PRMT3: variants seen among roughly 807,000 people sequenced by gnomAD.
PRMT3 encodes the protein protein arginine methyltransferase 3.
A neutral mutation model predicts 71.9 loss-of-function variants in PRMT3; 62 were observed. That is an observed-to-expected ratio of 0.86 (90% CI 0.70 to 1.07). PRMT3 has a LOEUF of 1.07. PRMT3 is among the 50% of genes least tolerant of loss of function. PRMT3 has a pLI of 0.00. For missense variants in PRMT3, 663 were observed against 643.0 expected (o/e 1.03, Z -0.34); for synonymous variants, 213 against 220.4 (o/e 0.97, Z 0.30).
At position 20,397,610 on chromosome 11, in the gene PRMT3, T is replaced by A; in HGVS notation, c.594T>A (p.Asp198Glu). 5 of 1,614,160 alleles carry A rather than the reference T, an allele frequency of 3.1e-6. No homozygotes were observed. The highest frequency in any genetic ancestry group is 4.2e-6 in the Non-Finnish European group (5 of 1,180,032). Residue 198 changes from aspartate to glutamate, a missense_variant, in exon 7 of 16, where the codon GAT (aspartate) becomes GAA (glutamate). By Grantham distance (45) the Asp-to-Glu change is conservative. Coordinates refer to ENST00000331079, the MANE Select transcript of PRMT3 (RefSeq NM_005788.4). ...CTCAGGATTTTGTGATGCACACAGA[T>A]GTCAGAACCTGCTCGTCATCTACTA... The part of the protein sequence containing the change: ...QFAQDFVMHT[D>E]VRTCSSSTSV...
intron 10 of PRMT3, among the ~76,000 whole-genome samples, chr11:20,445,849 G>T (rs1850015608): frequency 6.6e-6 from 1 of 151,970 alleles, no homozygotes; most frequent in South Asian, 2.1e-4. Flanking sequence ...TTTAAAATGT[G>T]TTTTTGCTTT....
intron 10 of PRMT3, among the ~76,000 whole-genome samples, chr11:20,443,237 G>T (rs1849949107): frequency 6.6e-6 from 1 of 152,184 alleles, no homozygotes; most frequent in South Asian, 2.1e-4. Flanking sequence ...TGGAGACGGG[G>T]TGGAGTTAGG....
chr11:20,390,756 G>C (rs770349449), intron 3 of PRMT3, among the ~76,000 whole-genome samples: 5 of 152,204 alleles, frequency 3.3e-5, no homozygotes, highest in African/African-American at 1.2e-4. Context: ...AAGGCAGGTG[G>C]ATCACAAGGT....
chr11:20,419,212 G>A (rs1294216712), intron 9 of PRMT3, among the ~76,000 whole-genome samples: 2 of 152,194 alleles, frequency 1.3e-5, no homozygotes, highest in South Asian at 4.1e-4. Flanking sequence ...TTGTGTAGCA[G>A]TATCTCATTG....
chr11:20,504,707 TGAGAGAGAGAGAGAGAGAGA>T (rs57201745), intron 15 of PRMT3, among the ~76,000 whole-genome samples: 21 of 133,646 alleles, frequency 1.6e-4, no homozygotes, highest in Admixed American at 7.6e-4. Flanking sequence ...TGTGTGTGTG[TGAGAGAGAGAGAGAGAGAGA>T]GAGAGAGAGA....
At chr11:20,402,630 A>C (rs1285627620) in intron 7 of PRMT3, among the ~76,000 whole-genome samples, 3 of 152,150 alleles carry the variant, frequency 2.0e-5, no homozygotes, top group African/African-American at 7.2e-5. Context: ...TATTAGCTTT[A>C]ATTATCACTC....
chr11:20,480,696 G>C (rs1393263110), intron 13 of PRMT3, among the ~76,000 whole-genome samples: 1 of 152,128 alleles, frequency 6.6e-6, no homozygotes, highest in African/African-American at 2.4e-5. Context: ...AGTTTTAGCG[G>C]ACTTGTTCAT....
Position 20,462,127 on chromosome 11 carries a change from T to G in PRMT3, c.1220T>G (p.Leu407Ter). The change falls in exon 12 of 16, where the codon TTA becomes TGA. Residue 407 changes from leucine (L) to a stop codon, truncating the protein, a stop_gained. Transcript: ENST00000331079. LOFTEE classifies it high-confidence loss of function. ...AVIPEAVVEV[L>*]DPKTLISEPC... is the part of the protein sequence containing the mutation. ...ATTCCAGAAGCTGTTGTGGAAGTTT[T>G]AGATCCGAAGACTCTTATTTCAGAA... is the stretch of plus-strand genomic sequence containing the variant. 1.2e-6 allele frequency: 2 copies of G among 1,612,560 alleles called. No individual in the cohort carries two copies. The highest frequency in any genetic ancestry group is 2.2e-5 in the South Asian group (2 of 90,854).
At chr11:20,500,911 A>G (rs183037222) in intron 15 of PRMT3, among the ~76,000 whole-genome samples, 120 of 152,254 alleles carry the variant, frequency 7.9e-4, no homozygotes, top group Admixed American at 3.4e-3. Flanking sequence ...TCTTCAGGAT[A>G]AAATACAAAC....
intron 13 of PRMT3, among the ~76,000 whole-genome samples, chr11:20,484,645 T>TC (rs1477581945): frequency 2.0e-5 from 3 of 152,160 alleles, no homozygotes; most frequent in African/African-American, 7.2e-5. Context: ...TTGTGAGACT[T>TC]CCCCAGCCAC....
At chr11:20,427,311 A>G (rs943525420) in intron 10 of PRMT3, among the ~76,000 whole-genome samples, 9 of 152,354 alleles carry the variant, frequency 5.9e-5, no homozygotes, top group Admixed American at 2.6e-4. Context: ...CCATTATCAC[A>G]TAAAATAGAA....
chr11:20,499,459 G>GA (rs199811906), intron 15 of PRMT3, among the ~76,000 whole-genome samples: 4 of 152,192 alleles, frequency 2.6e-5, no homozygotes, highest in Non-Finnish European at 5.9e-5. Context: ...TGTCTCTAAA[G>GA]AAAAAAAATT....
intron 10 of PRMT3, 34 bp downstream of exon 10, chr11:20,426,899 TA>T: frequency 6.7e-7 from 1 of 1,496,194 alleles, no homozygotes; most frequent in Non-Finnish European, 8.8e-7. Flanking sequence ...CTTTCACTGG[TA>T]AAATGAAAAA....
intron 10 of PRMT3, among the ~76,000 whole-genome samples, chr11:20,432,196 T>A (rs1849668718): frequency 6.6e-6 from 1 of 152,124 alleles, no homozygotes; most frequent in South Asian, 2.1e-4. Context: ...GGAACATGAA[T>A]CAACTGCCCT....
At chr11:20,416,488 G>T (rs142308733) in intron 9 of PRMT3, among the ~76,000 whole-genome samples, 175 of 152,100 alleles carry the variant, frequency 1.2e-3, no homozygotes, top group Non-Finnish European at 2.0e-3. Flanking sequence ...CTACCAGGAA[G>T]GGGACCCAGC....
chr11:20,390,014 G>A (rs1848678823), intron 3 of PRMT3, among the ~76,000 whole-genome samples, 188 bp downstream of exon 3: 1 of 152,084 alleles, frequency 6.6e-6, no homozygotes, highest in South Asian at 2.1e-4. Context: ...ATCTGGGTGT[G>A]GTGACGCACA....
chr11:20,390,821 C>T (rs562353721), intron 3 of PRMT3, among the ~76,000 whole-genome samples: 5 of 152,224 alleles, frequency 3.3e-5, no homozygotes, highest in South Asian at 2.1e-4. Context: ...GAGGCCAAGG[C>T]GGATGGATCA....
At chr11:20,441,057 T>C (rs914241946) in intron 10 of PRMT3, among the ~76,000 whole-genome samples, 2 of 152,028 alleles carry the variant, frequency 1.3e-5, no homozygotes, top group Non-Finnish European at 2.9e-5. Flanking sequence ...ATATAACATC[T>C]GAATTACAGG....
intron 11 of PRMT3, among the ~76,000 whole-genome samples, chr11:20,454,335 C>T (rs560962904): frequency 3.9e-5 from 6 of 152,150 alleles, no homozygotes; most frequent in Non-Finnish European, 8.8e-5. Context: ...CTGACAGCAA[C>T]TTAATACATT....
Sources: allele counts gnomAD v4.1 joint callset (sites outside exome capture counted in the v4.1 genomes callset), GRCh38; gene constraint gnomAD v4.1.1; transcripts MANE v1.5; gene names NCBI Gene and HGNC (gene_info 2026-07-23, HGNC 2026-07-21).